NRXN3: variants seen among roughly 807,000 people sequenced by gnomAD.
NRXN3 encodes neurexin 3, also known as neurexin III.
Under a neutral mutation model 137.6 loss-of-function variants are expected in NRXN3, and 32 were observed. The observed-to-expected ratio is 0.23, with a 90% CI of 0.18 to 0.31. The LOEUF is 0.31. NRXN3 is among the 10% of genes least tolerant of loss of function. The probability of loss-of-function intolerance (pLI) is 1.00; values close to 1 mark genes in which losing one functional copy is unlikely to be tolerated. For missense variants in NRXN3, 1,574 were observed against 2,062.5 expected (o/e 0.76, Z 4.59); for synonymous variants, 798 against 784.5 (o/e 1.02, Z -0.29).
chr14:79,347,374 TAG>T (rs2092940072), intron 15 of NRXN3, among the ~76,000 whole-genome samples: 1 of 151,984 alleles, frequency 6.6e-6, no homozygotes, highest in African/African-American at 2.4e-5. Context: ...GCCACTTTCA[TAG>T]AGTTTTCAGT....
chr14:79,130,737 T>C (rs374578478), intron 15 of NRXN3, among the ~76,000 whole-genome samples: 2 of 152,224 alleles, frequency 1.3e-5, no homozygotes, highest in African/African-American at 4.8e-5. Context: ...CCTTGCTAGA[T>C]TGGGGAAGTT....
intron 1 of NRXN3, among the ~76,000 whole-genome samples, chr14:78,203,376 C>T (rs2061856148): frequency 6.6e-6 from 1 of 152,164 alleles, no homozygotes; most frequent in Non-Finnish European, 1.5e-5. Flanking sequence ...CAGGGTTAGA[C>T]ATCAGTGACG....
chr14:79,499,956 C>CATGTGTGTGTGTGTGT lies in NRXN3; in HGVS notation c.3444+32554_3444+32555insATGTGTGTGTGTGTGT, dbSNP rs60538373. ...GGTTTTCTGTCAGTTATCTTAGGGT[C>CATGTGTGTGTGTGTGT]GTGTGTGTGTGTGTGTGTGTGTGTG... On this transcript the variant is annotated intron_variant, in intron 16 of 20. Transcript: ENST00000335750. Among the ~76,000 whole-genome samples the CATGTGTGTGTGTGTGT allele has an allele frequency of 4.0e-3, 582 of 145,216 alleles. 6 individuals are homozygous for CATGTGTGTGTGTGTGT. Among genetic ancestry groups the CATGTGTGTGTGTGTGT allele is most frequent in the African/African-American group, 0.013 (500 of 39,380 alleles).
intron 4 of NRXN3, among the ~76,000 whole-genome samples, chr14:78,380,440 T>A (rs2088862128): frequency 6.6e-6 from 1 of 152,120 alleles, no homozygotes; most frequent in Non-Finnish European, 1.5e-5. Context: ...TCATCCTGGA[T>A]TATCTGGGTG....
chr14:79,573,291 T>C (rs1007423971), intron 16 of NRXN3, among the ~76,000 whole-genome samples: 1 of 152,000 alleles, frequency 6.6e-6, no homozygotes, highest in African/African-American at 2.4e-5. Context: ...AGGAATGCAG[T>C]GGGTGATGTA....
At chr14:79,127,848 T>C (rs1194381244) in intron 15 of NRXN3, among the ~76,000 whole-genome samples, 4 of 152,030 alleles carry the variant, frequency 2.6e-5, no homozygotes, top group African/African-American at 9.7e-5. Flanking sequence ...CTCTTTTATT[T>C]CCTTGAGCAG....
chr14:79,611,182 T>C (rs1050785747), intron 16 of NRXN3, among the ~76,000 whole-genome samples: 1 of 152,220 alleles, frequency 6.6e-6, no homozygotes. Context: ...GGACGGGCTT[T>C]AGGGCTCAGT....
At chr14:78,640,750 A>T (rs1350377853) in intron 4 of NRXN3, among the ~76,000 whole-genome samples, 1 of 152,206 alleles carries the variant, frequency 6.6e-6, no homozygotes, top group Non-Finnish European at 1.5e-5. Flanking sequence ...TCTAGTGTTT[A>T]ATCAATTGGA....
intron 15 of NRXN3, among the ~76,000 whole-genome samples, chr14:79,368,052 A>C (rs940346104): frequency 1.3e-5 from 2 of 152,230 alleles, no homozygotes; most frequent in Non-Finnish European, 2.9e-5. Context: ...TGATCATTTC[A>C]TCACTTGGAG....
intron 15 of NRXN3, among the ~76,000 whole-genome samples, chr14:79,215,207 T>C (rs1469134756): frequency 6.6e-6 from 1 of 152,204 alleles, no homozygotes; most frequent in South Asian, 2.1e-4. Context: ...CCTAAAGATA[T>C]AACTTTCCTG....
chr14:78,393,183 ATT>A (rs59030425), intron 4 of NRXN3, among the ~76,000 whole-genome samples: 70 of 148,032 alleles, frequency 4.7e-4, no homozygotes, highest in African/African-American at 1.6e-3. Context: ...AATACATGTG[ATT>A]TTTTTTTTTT....
chr14:79,312,418 TG>T (rs2087475238), intron 15 of NRXN3, among the ~76,000 whole-genome samples: 1 of 66,238 alleles, frequency 1.5e-5, no homozygotes, highest in African/African-American at 6.8e-5. Context: ...TCTGTTGATT[TG>T]GGGTGGTGAG....
At chr14:79,514,297 G>A (rs2096961583) in intron 16 of NRXN3, among the ~76,000 whole-genome samples, 1 of 149,410 alleles carries the variant, frequency 6.7e-6, no homozygotes, top group Non-Finnish European at 1.5e-5. Flanking sequence ...CAGCATTTTA[G>A]AGTTCAGTAC....
chr14:78,599,692 C>G (rs1157035103), intron 4 of NRXN3, among the ~76,000 whole-genome samples: 1 of 152,184 alleles, frequency 6.6e-6, no homozygotes, highest in Admixed American at 6.5e-5. Context: ...TAGTTTTCAA[C>G]CAGATCACTC....
chr14:78,463,082 A>T (rs556861446), intron 4 of NRXN3, among the ~76,000 whole-genome samples: 1 of 152,178 alleles, frequency 6.6e-6, no homozygotes, highest in Non-Finnish European at 1.5e-5. Flanking sequence ...TCCCACTTGT[A>T]AGTGAGACAT....
At chr14:78,826,141 A>T (rs529400776) in intron 10 of NRXN3, among the ~76,000 whole-genome samples, 29 of 152,356 alleles carry the variant, frequency 1.9e-4, no homozygotes, top group Admixed American at 5.2e-4. Context: ...AGGATACAGG[A>T]CCATTTACAT....
chr14:78,462,175 A>T (rs527966453), intron 4 of NRXN3, among the ~76,000 whole-genome samples: 24 of 152,226 alleles, frequency 1.6e-4, no homozygotes, highest in African/African-American at 5.8e-4. Flanking sequence ...TCTTCTGCTG[A>T]GCTTACCCTG....
intron 15 of NRXN3, among the ~76,000 whole-genome samples, chr14:79,064,502 G>A (rs1162355878): frequency 6.6e-6 from 1 of 152,002 alleles, no homozygotes; most frequent in African/African-American, 2.4e-5. Context: ...TTGGTCTATA[G>A]TTGGTTCCCT....
chr14:79,530,987 C>T (rs2097164988), intron 16 of NRXN3, among the ~76,000 whole-genome samples: 1 of 152,142 alleles, frequency 6.6e-6, no homozygotes, highest in Non-Finnish European at 1.5e-5. Context: ...TGTTTTTGAT[C>T]TCAGAGCCCC....
Sources: gnomAD v4.1 joint callset for allele counts (sites outside exome capture counted in the v4.1 genomes callset) on GRCh38, gnomAD v4.1.1 for gene constraint, MANE v1.5 for transcripts, NCBI Gene and HGNC (gene_info 2026-07-23, HGNC 2026-07-21) for gene names.